The following EAF2 variants were observed in gnomAD, a reference collection of about 807,000 sequenced individuals.
EAF2 encodes ELL associated factor 2.
EAF2 carries 29 observed loss-of-function variants against 29.4 expected under a neutral mutation model. The ratio of observed to expected loss-of-function variants is 0.99; its 90% CI spans 0.73 to 1.35. EAF2 has a LOEUF of 1.35. Among genes scored for constraint, EAF2 ranks in the 40% most tolerant of loss-of-function variants. The pLI, the probability that EAF2 is intolerant of heterozygous loss-of-function variation, is 0.00. For missense variants in EAF2, 292 were observed against 312.0 expected (o/e 0.94, Z 0.48); for synonymous variants, 103 against 102.5 (o/e 1.00, Z -0.03).
chr3:121,845,697 G>T (rs1708518904), intron 2 of EAF2, among the ~76,000 whole-genome samples: 1 of 151,696 alleles, frequency 6.6e-6, no homozygotes, highest in Non-Finnish European at 1.5e-5. Context: ...CTGGCTGAAA[G>T]TCCAATGATT....
chr3:121,872,093 T>C (rs1043443253), intron 4 of EAF2, among the ~76,000 whole-genome samples: 9 of 151,926 alleles, frequency 5.9e-5, no homozygotes, highest in Non-Finnish European at 1.0e-4. Context: ...GGGGGAAACC[T>C]ATAGATGCTT....
chr3:121,886,266 G>A, intron 5 of EAF2, 76 bp from the exon 6 acceptor site: 1 of 942,458 alleles, frequency 1.1e-6, no homozygotes, highest in Non-Finnish European at 1.5e-6. Context: ...GCTATATTTT[G>A]TGTAAAATTT....
intron 5 of EAF2, among the ~76,000 whole-genome samples, chr3:121,881,265 G>A (rs1433098070): frequency 6.6e-6 from 1 of 152,128 alleles, no homozygotes. Context: ...TCAGTTTTCC[G>A]GAAGAATTTG....
Position 121,840,500 on chromosome 3 carries a change from AAAAAAAAAG to A in EAF2, c.107-3944_107-3936del, listed in dbSNP as rs1245855055. On this transcript the variant is annotated intron_variant, in intron 1 of 5. Coordinates refer to ENST00000273668, the MANE Select transcript of EAF2 (RefSeq NM_018456.6). ...GGGAGACTTCGTCTAAAAAAAAAAA[AAAAAAAAAG>A]AAAAAAAAAAAACGGGCCGGGTGCG... is the stretch of plus-strand genomic sequence containing the variant. 7.7e-3 allele frequency among the ~76,000 whole-genome samples: 585 copies of A among 75,938 alleles called. 29 individuals carry two copies. The highest frequency in any genetic ancestry group is 0.034 in the Middle Eastern group (6 of 178). 49.8% of individuals were successfully genotyped at this position (75,938 alleles called of 152,430 possible). A position where few individuals can be genotyped will look rare whatever the true frequency, so the allele number is the denominator to read the frequency against.
chr3:121,881,343 T>C (rs1709187786), intron 5 of EAF2, among the ~76,000 whole-genome samples: 1 of 151,920 alleles, frequency 6.6e-6, no homozygotes, highest in Non-Finnish European at 1.5e-5. Context: ...GGTCCTGAAC[T>C]TTTTTTTGAT....
chr3:121,881,977 C>CTT (rs1355910537), intron 5 of EAF2, among the ~76,000 whole-genome samples: 1 of 152,080 alleles, frequency 6.6e-6, no homozygotes, highest in Non-Finnish European at 1.5e-5. Context: ...ACCACATTAA[C>CTT]AGATTATAGA....
chr3:121,848,697 A>G (rs1708575847), intron 2 of EAF2, among the ~76,000 whole-genome samples: 1 of 152,164 alleles, frequency 6.6e-6, no homozygotes, highest in Non-Finnish European at 1.5e-5. Context: ...ATCGTGATAC[A>G]TACTGTACAA....
intron 3 of EAF2, among the ~76,000 whole-genome samples, chr3:121,856,098 T>C (rs1380491131): frequency 2.0e-5 from 3 of 152,186 alleles, no homozygotes. Context: ...CATACTTTTA[T>C]TATACTACAC....
intron 1 of EAF2, among the ~76,000 whole-genome samples, chr3:121,842,980 C>T (rs1302006315): frequency 6.6e-6 from 1 of 152,064 alleles, no homozygotes; most frequent in Non-Finnish European, 1.5e-5. Flanking sequence ...TTTCATATTG[C>T]TTATGTTATT....
chr3:121,873,817 TTTAGA>T (rs66630384), intron 5 of EAF2, among the ~76,000 whole-genome samples: 37,935 of 151,504 alleles, frequency 0.25, 4,994 homozygotes, highest in South Asian at 0.39. Flanking sequence ...TTTTTTCTCC[TTTAGA>T]TTATAGTTCA....
At chr3:121,869,204 C>T (rs1252242420) in intron 4 of EAF2, among the ~76,000 whole-genome samples, 1 of 152,118 alleles carries the variant, frequency 6.6e-6, no homozygotes, top group African/African-American at 2.4e-5. Context: ...ATGTGTAATG[C>T]AACTGAAGAA....
chr3:121,862,709 C>G (rs866722064), intron 4 of EAF2, among the ~76,000 whole-genome samples: 21 of 152,200 alleles, frequency 1.4e-4, no homozygotes, highest in African/African-American at 5.1e-4. Flanking sequence ...CAGCTTTATT[C>G]CATTGCTGGC....
At chr3:121,883,072 A>G (rs1709218279) in intron 5 of EAF2, among the ~76,000 whole-genome samples, 1 of 152,178 alleles carries the variant, frequency 6.6e-6, no homozygotes, top group Non-Finnish European at 1.5e-5. Flanking sequence ...TATGTGTTCT[A>G]ACTTTGTAAA....
At chr3:121,859,511 C>T (rs1468162035) in intron 4 of EAF2, among the ~76,000 whole-genome samples, 1 of 152,104 alleles carries the variant, frequency 6.6e-6, no homozygotes, top group African/African-American at 2.4e-5. Context: ...GATTTTTGCA[C>T]ATTGATTTTG....
chr3:121,870,485 T>G (rs1708992739), intron 4 of EAF2, among the ~76,000 whole-genome samples: 1 of 152,022 alleles, frequency 6.6e-6, no homozygotes, highest in African/African-American at 2.4e-5. Context: ...CAATGGGGGT[T>G]GGAGAATGGA....
chr3:121,884,684 C>T (rs1423598839), intron 5 of EAF2, among the ~76,000 whole-genome samples: 2 of 149,002 alleles, frequency 1.3e-5, no homozygotes, highest in African/African-American at 2.4e-5. Context: ...CTCAGCCTCC[C>T]GAAGTGCTGG....
intron 5 of EAF2, among the ~76,000 whole-genome samples, chr3:121,881,750 A>G (rs867036140): frequency 6.6e-6 from 1 of 152,108 alleles, no homozygotes; most frequent in Non-Finnish European, 1.5e-5. Flanking sequence ...AGCTCAGGCA[A>G]TCCACCCACC....
At chr3:121,845,802 A>G (rs1184410243) in intron 2 of EAF2, among the ~76,000 whole-genome samples, 1 of 152,154 alleles carries the variant, frequency 6.6e-6, no homozygotes, top group East Asian at 1.9e-4. Context: ...GGAGGCCCTA[A>G]CCAAAAGTTT....
intron 4 of EAF2, among the ~76,000 whole-genome samples, chr3:121,868,237 T>C (rs1022778411): frequency 6.6e-6 from 1 of 152,162 alleles, no homozygotes; most frequent in Non-Finnish European, 1.5e-5. Flanking sequence ...AGAAAATATA[T>C]ACCATTTAAA....
Sources: gnomAD v4.1 joint callset for allele counts (sites outside exome capture counted in the v4.1 genomes callset) on GRCh38, gnomAD v4.1.1 for gene constraint, MANE v1.5 for transcripts, NCBI Gene and HGNC (gene_info 2026-07-23, HGNC 2026-07-21) for gene names.